Variants in VANGL1 observed in about 807,000 individuals in gnomAD.
VANGL1 encodes VANGL planar cell polarity protein 1, also known as vang-like protein 1.
In VANGL1, 18 loss-of-function variants were observed where a neutral mutation model predicts 48.4. The ratio of observed to expected loss-of-function variants is 0.37; its 90% CI spans 0.26 to 0.55. VANGL1 has a LOEUF of 0.55. Among genes scored for constraint, VANGL1 ranks in the 20% least tolerant of loss-of-function variants. The pLI is 0.81. For missense variants in VANGL1, 667 were observed against 675.8 expected, an observed-to-expected ratio of 0.99 and a Z score of 0.14; for synonymous variants, 257 against 261.8, an observed-to-expected ratio of 0.98 and a Z score of 0.18.
intron 1 of VANGL1, among the ~76,000 whole-genome samples, chr1:115,649,551 G>A (rs897668690): frequency 2.6e-5 from 4 of 152,234 alleles, no homozygotes; most frequent in African/African-American, 9.6e-5. Context: ...CCCGCAAAGA[G>A]AGTGCTGATA....
chr1:115,684,848 G>A (rs576008236), intron 6 of VANGL1, among the ~76,000 whole-genome samples: 1 of 152,254 alleles, frequency 6.6e-6, no homozygotes, highest in African/African-American at 2.4e-5. Flanking sequence ...GCTGGTGTGG[G>A]TGGCTGGACC....
At chr1:115,662,709 T>C (rs1652607508) in intron 3 of VANGL1, among the ~76,000 whole-genome samples, 1 of 152,214 alleles carries the variant, frequency 6.6e-6, no homozygotes, top group Admixed American at 6.5e-5. Context: ...TTTGCTTAGC[T>C]TGGTCCATGA....
chr1:115,673,653 G>C (rs1049947780), intron 4 of VANGL1, among the ~76,000 whole-genome samples: 1 of 144,070 alleles, frequency 6.9e-6, no homozygotes, highest in African/African-American at 2.6e-5. Flanking sequence ...AGGCTGGAGT[G>C]CCTTAGTGCG....
Position 115,691,250 on chromosome 1 carries a change from C to T in VANGL1, c.1446C>T (p.Val482=). The T allele has an allele frequency of 6.2e-7, 1 of 1,614,110 alleles. No individual in the cohort carries two copies. The highest frequency in any genetic ancestry group is 8.5e-7 in the Non-Finnish European group (1 of 1,180,018). Residue 482 remains valine, a synonymous_variant, in exon 8 of 8, where the codon GTC becomes GTT. Coordinates refer to ENST00000355485, the MANE Select transcript of VANGL1 (RefSeq NM_138959.3). The stretch of plus-strand genomic sequence containing the variant: ...GATTACGGGATGGAATTGTGTTCGT[C>T]CTTAAGTGCTTGGACTTCAGCCTCG... ...TNGLRDGIVF[V]LKCLDFSLVV... is the part of the protein sequence containing the mutation.
At chr1:115,661,163 A>G (rs1459442251) in intron 3 of VANGL1, among the ~76,000 whole-genome samples, 1 of 152,210 alleles carries the variant, frequency 6.6e-6, no homozygotes, top group Non-Finnish European at 1.5e-5. Context: ...TTGAGCAGTC[A>G]CAGCCTTTGT....
At chr1:115,657,050 C>T (rs1272242044) in intron 2 of VANGL1, among the ~76,000 whole-genome samples, 2 of 152,328 alleles carry the variant, frequency 1.3e-5, no homozygotes, top group Non-Finnish European at 2.9e-5. Context: ...CAGTTCTAGA[C>T]TATTCTGAGG....
intron 4 of VANGL1, among the ~76,000 whole-genome samples, chr1:115,678,952 A>AG (rs1312386639): frequency 1.7e-5 from 1 of 57,854 alleles, no homozygotes; most frequent in Non-Finnish European, 3.8e-5. Flanking sequence ...AGACTGTCTC[A>AG]AAAAAAAAAA....
At chr1:115,665,131 TCA>T (rs2101006936) in intron 4 of VANGL1, among the ~76,000 whole-genome samples, 1 of 152,316 alleles carries the variant, frequency 6.6e-6, no homozygotes, top group African/African-American at 2.4e-5. Flanking sequence ...ATGGCATCTC[TCA>T]CTTTGTGGTT....
chr1:115,695,495 A>C lies in VANGL1; in HGVS notation c.*4116A>C, dbSNP rs1654001848. The C allele has an allele frequency of 1.3e-5, 2 of 152,654 alleles. No individual in the cohort carries two copies. Among genetic ancestry groups the C allele is most frequent in the Non-Finnish European group, 2.9e-5 (2 of 68,030 alleles). The allele number at this position is 152,654 out of a possible 1,614,324, so 9.5% of individuals were successfully genotyped here. A position where few individuals can be genotyped will look rare whatever the true frequency, so the allele number is the denominator to read the frequency against. ...TGCCCACCGTTCTTGATTGGTATTC[A>C]GTGCAGTAGCGAAATGAGATAGTTT... is the stretch of plus-strand genomic sequence containing the variant. On this transcript the variant is annotated 3_prime_UTR_variant, in exon 8 of 8. Coordinates refer to ENST00000355485, the MANE Select transcript of VANGL1 (RefSeq NM_138959.3).
intron 4 of VANGL1, among the ~76,000 whole-genome samples, chr1:115,669,813 G>A (rs958121601): frequency 1.3e-5 from 2 of 152,130 alleles, no homozygotes; most frequent in Admixed American, 6.6e-5. Context: ...CAAAGATGTG[G>A]TAACGAATCA....
chr1:115,690,105 T>C (rs1653776526), intron 7 of VANGL1, among the ~76,000 whole-genome samples: 1 of 134,730 alleles, frequency 7.4e-6, no homozygotes, highest in Admixed American at 7.7e-5. Flanking sequence ...GCTGTCAAAC[T>C]CCTAGTATGT....
chr1:115,646,953 A>G (rs1335580252), intron 1 of VANGL1, among the ~76,000 whole-genome samples: 2 of 152,250 alleles, frequency 1.3e-5, no homozygotes, highest in Admixed American at 6.5e-5. Context: ...GTGAGTACCA[A>G]CAGATATACT....
chr1:115,643,756 C>A (rs529355746), intron 1 of VANGL1, among the ~76,000 whole-genome samples: 15 of 152,260 alleles, frequency 9.9e-5, no homozygotes, highest in Non-Finnish European at 1.9e-4. Flanking sequence ...TTTAAAGTTT[C>A]TTTACCAAGC....
At chr1:115,680,432 A>G (rs1423021387) in intron 4 of VANGL1, among the ~76,000 whole-genome samples, 3 of 152,196 alleles carry the variant, frequency 2.0e-5, no homozygotes, top group Non-Finnish European at 4.4e-5. Context: ...ATATGGAATG[A>G]CGAGTGAACA....
rs556484749 is a variant in VANGL1, at chr1:115,695,464, C to T, written c.*4085C>T. The T allele has an allele frequency of 6.6e-6, 1 of 152,476 alleles. No homozygotes were observed. Among genetic ancestry groups the T allele is most frequent in the Non-Finnish European group, 1.5e-5 (1 of 68,018 alleles). 9.4% of individuals were successfully genotyped at this position (152,476 alleles called of 1,614,324 possible). ...TTCATTATAAATAAAATAAGAATTG[C>T]TCTTCTGCCCACCGTTCTTGATTGG... On this transcript the variant is annotated 3_prime_UTR_variant, in exon 8 of 8. Coordinates refer to ENST00000355485, the MANE Select transcript of VANGL1 (RefSeq NM_138959.3).
At chr1:115,644,112 C>T (rs1651828412) in intron 1 of VANGL1, among the ~76,000 whole-genome samples, 2 of 152,286 alleles carry the variant, frequency 1.3e-5, no homozygotes, top group Non-Finnish European at 2.9e-5. Flanking sequence ...GTTGCTTATA[C>T]TCCTCTATAT....
At chr1:115,653,851 C>T (rs763802812) in intron 2 of VANGL1, among the ~76,000 whole-genome samples, 9 of 152,158 alleles carry the variant, frequency 5.9e-5, no homozygotes, top group Non-Finnish European at 1.0e-4. Flanking sequence ...CTGAGAAAAG[C>T]TCTGAGAGAG....
At position 115,659,645 on chromosome 1, in the gene VANGL1, A is replaced by G. The variant is rs1353887825; in HGVS notation, c.76A>G (p.Arg26Gly). ...HSKKSHRQGERTRERHKSPRN... is the reference protein window; with the variant it reads ...HSKKSHRQGEGTRERHKSPRN... ...TAGCTCATTGTTGTTTTTCAGGGAA[A>G]GAACTAGAGAGAGACACAAGTCACC... is the stretch of plus-strand genomic sequence containing the variant. Residue 26 changes from arginine to glycine, a missense_variant, in exon 3 of 8, where the codon AGA becomes GGA. Coordinates refer to ENST00000355485, the MANE Select transcript of VANGL1 (RefSeq NM_138959.3). The G allele has an allele frequency of 1.9e-6, 3 of 1,614,168 alleles. No individual in the cohort carries two copies. The highest frequency in any genetic ancestry group is 2.5e-6 in the Non-Finnish European group (3 of 1,180,030).
chr1:115,661,976 T>C (rs1269866018), intron 3 of VANGL1, among the ~76,000 whole-genome samples: 2 of 152,202 alleles, frequency 1.3e-5, no homozygotes, highest in Admixed American at 6.5e-5. Context: ...CTGGGCCATA[T>C]AGCTAAGTGT....
Sources: allele counts gnomAD v4.1 joint callset (sites outside exome capture counted in the v4.1 genomes callset), GRCh38; gene constraint gnomAD v4.1.1; transcripts MANE v1.5; gene names NCBI Gene and HGNC (gene_info 2026-07-23, HGNC 2026-07-21).